ZFP36L2: variants seen among roughly 807,000 people sequenced by gnomAD.
ZFP36L2 encodes the protein mRNA decay activator protein ZFP36L2.
A neutral mutation model predicts 27.9 loss-of-function variants in ZFP36L2; 16 were observed. The ratio of observed to expected loss-of-function variants is 0.57; its 90% CI spans 0.39 to 0.87. The LOEUF is 0.87. Ranked by LOEUF, ZFP36L2 falls within the 40% of genes least tolerant of loss-of-function variation. The pLI is 0.00. For missense variants in ZFP36L2, 989 were observed against 726.9 expected, an observed-to-expected ratio of 1.36 and a Z score of -4.15; for synonymous variants, 600 against 363.8, an observed-to-expected ratio of 1.65 and a Z score of -7.39.
In ZFP36L2 at chr2:43,224,020, T is replaced by G. The variant is rs1667025257; in HGVS notation, c.*299A>C. 6.8e-6 allele frequency: 2 copies of G among 294,452 alleles called. No homozygotes were observed. The highest frequency in any genetic ancestry group is 1.2e-5 in the Non-Finnish European group (2 of 161,974). 18.2% of individuals were successfully genotyped at this position (294,452 alleles called of 1,614,324 possible). A position where few individuals can be genotyped will look rare whatever the true frequency, so the allele number is the denominator to read the frequency against. ...TTTTTTTTTTTTTGTTCTATTCGTA[T>G]CACAACTGCCCTGTTGTGAATATTT... On this transcript the variant is annotated 3_prime_UTR_variant, in exon 2 of 2. Coordinates refer to ENST00000282388, the MANE Select transcript of ZFP36L2 (RefSeq NM_006887.5).
At position 43,224,718 on chromosome 2, in the gene ZFP36L2, G is replaced by T. The variant is rs745849735; in HGVS notation, c.1086C>A (p.Ala362=). 6.5e-7 allele frequency: 1 copy of T among 1,531,148 alleles called. No individual in the cohort carries two copies. Among genetic ancestry groups the T allele is most frequent in the Non-Finnish European group, 8.7e-7 (1 of 1,145,522 alleles). The allele number at this position is 1,531,148 out of a possible 1,614,324, so 94.8% of individuals were successfully genotyped here. ...ACSSASCANN[A]FAFGPELSSL... ...TGCTGAGCTCCGGACCGAAGGCGAA[G>T]GCGTTGTTGGCGCACGAGGCCGACG... Residue 362 remains alanine (A), a synonymous_variant, in exon 2 of 2, where the codon GCC becomes GCA. Transcript: ENST00000282388.
intron 1 of ZFP36L2, 82 bp from the exon 2 acceptor site, chr2:43,225,834 G>C: frequency 1.4e-6 from 2 of 1,397,662 alleles, no homozygotes; most frequent in Non-Finnish European, 1.9e-6. Flanking sequence ...GGAACTCCCA[G>C]CCTGATTCTT....
rs1667031228 is a variant in ZFP36L2, at chr2:43,224,245, G to A, written c.*74C>T. 2 of 1,417,908 alleles carry A rather than the reference G, an allele frequency of 1.4e-6. No individual in the cohort carries two copies. The highest frequency in any genetic ancestry group is 2.6e-4 in the Middle Eastern group (1 of 3,900). 87.8% of individuals were successfully genotyped at this position (1,417,908 alleles called of 1,614,324 possible). A position where few individuals can be genotyped will look rare whatever the true frequency, so the allele number is the denominator to read the frequency against. On this transcript the variant is annotated 3_prime_UTR_variant, in exon 2 of 2. Transcript: ENST00000282388. ...CCCCCCACTCCCGTGCCCCCAGCAA[G>A]GGCGAGATGGCGAGGGGTGTCCTCC...
chr2:43,224,875 G>A lies in ZFP36L2; in HGVS notation c.929C>T (p.Ser310Phe). The change falls in exon 2 of 2, where the codon TCC (serine) becomes TTC (phenylalanine). Residue 310 changes from serine to phenylalanine, a missense_variant. Physicochemically the swap from Ser to Phe is radical, Grantham distance 155. Transcript: ENST00000282388. The part of the protein sequence containing the change: ...SSSASSCSSA[S>F]AASTPSGAPT... ...GGCGCCCGAGGGCGTGGAGGCCGCGGAGGCCGAGGAACAGGAGGAGGCGGA... is the reference window on the plus strand; with the variant it reads ...GGCGCCCGAGGGCGTGGAGGCCGCGAAGGCCGAGGAACAGGAGGAGGCGGA... 2.0e-6 allele frequency: 3 copies of A among 1,506,426 alleles called. No homozygotes were observed. The highest frequency in any genetic ancestry group is 2.6e-6 in the Non-Finnish European group (3 of 1,143,344). The allele number at this position is 1,506,426 out of a possible 1,614,324, so 93.3% of individuals were successfully genotyped here. A position where few individuals can be genotyped will look rare whatever the true frequency, so the allele number is the denominator to read the frequency against.
rs946596766 is a variant in ZFP36L2 at position 43,222,595 on chromosome 2, A to G, written c.*1724T>C. The stretch of plus-strand genomic sequence containing the variant: ...TACATATAGTGCTCCAACTGTACCT[A>G]CGTACAAACTAAAGCTACCGCTCAT... On this transcript the variant is annotated 3_prime_UTR_variant, in exon 2 of 2. Transcript: ENST00000282388. The G allele has an allele frequency of 6.6e-6, 1 of 152,362 alleles. No homozygotes were observed. The highest frequency in any genetic ancestry group is 2.4e-5 in the African/African-American group (1 of 41,452). 9.4% of individuals were successfully genotyped at this position (152,362 alleles called of 1,614,324 possible). A position where few individuals can be genotyped will look rare whatever the true frequency, so the allele number is the denominator to read the frequency against.
rs1236335913 is a variant in ZFP36L2 at position 43,224,585 on chromosome 2, C to A, written c.1219G>T (p.Ala407Ser). 3.7e-6 allele frequency: 5 copies of A among 1,340,176 alleles called. No individual in the cohort carries two copies. The African/African-American group carries it at 7.6e-5, about 20-fold the overall frequency. 83.0% of individuals were successfully genotyped at this position (1,340,176 alleles called of 1,614,324 possible). Residue 407 changes from alanine (A) to serine (S), a missense_variant, in exon 2 of 2, where the codon GCG (alanine) becomes TCG (serine). By Grantham distance (99) the Ala-to-Ser change is moderately conservative. Coordinates refer to ENST00000282388, the MANE Select transcript of ZFP36L2 (RefSeq NM_006887.5). The stretch of plus-strand genomic sequence containing the variant: ...GCGCTGGGCGGCGCCGGCGGCTGCG[C>A]GGGGGGCGCCAGGCCCTGCTGCTGC... ...QQQQQGLAPP[A>S]QPPAPPSATL...
In ZFP36L2 at chr2:43,224,495, G is replaced by C; in HGVS notation, c.1309C>G (p.Leu437Val). 1 of 1,495,574 alleles carries C rather than the reference G, an allele frequency of 6.7e-7. No homozygotes were observed. The allele number at this position is 1,495,574 out of a possible 1,614,324, so 92.6% of individuals were successfully genotyped here. ...GCGTCGAACACGGGCGAGTCGGACAGGCGGCGCGGCAGCTGGAAGCTGAAG... is the reference window on the plus strand; with the variant it reads ...GCGTCGAACACGGGCGAGTCGGACACGCGGCGCGGCAGCTGGAAGCTGAAG... ...PPFSFQLPRR[L>V]SDSPVFDAPP... is the part of the protein sequence containing the mutation. Residue 437 changes from leucine (L) to valine (V), a missense_variant, in exon 2 of 2, where the codon CTG (leucine) becomes GTG (valine). By Grantham distance (32) the Leu-to-Val change is conservative. Coordinates refer to ENST00000282388, the MANE Select transcript of ZFP36L2 (RefSeq NM_006887.5).
Position 43,223,961 on chromosome 2 carries a change from A to G in ZFP36L2, c.*358T>C. On this transcript the variant is annotated 3_prime_UTR_variant, in exon 2 of 2. Coordinates refer to ENST00000282388, the MANE Select transcript of ZFP36L2 (RefSeq NM_006887.5). Reference sequence around the variant, plus strand: ...TGGGTTGATTTTTCCTGAAGTCCCAAACTCATCGGAGTCCTAACAAAGTTT... The same window carrying G: ...TGGGTTGATTTTTCCTGAAGTCCCAGACTCATCGGAGTCCTAACAAAGTTT... 5.5e-6 allele frequency: 1 copy of G among 181,982 alleles called. No individual in the cohort carries two copies. The highest frequency in any genetic ancestry group is 1.1e-5 in the Non-Finnish European group (1 of 88,584). The allele number at this position is 181,982 out of a possible 1,614,324, so 11.3% of individuals were successfully genotyped here. A position where few individuals can be genotyped will look rare whatever the true frequency, so the allele number is the denominator to read the frequency against.
In ZFP36L2 at chr2:43,222,517, G is replaced by A. The variant is rs1666991295; in HGVS notation, c.*1802C>T. The A allele has an allele frequency of 6.6e-6, 1 of 152,298 alleles. No individual in the cohort carries two copies. The highest frequency in any genetic ancestry group is 2.1e-4 in the South Asian group (1 of 4,832). 9.4% of individuals were successfully genotyped at this position (152,298 alleles called of 1,614,324 possible). Reference sequence around the variant, plus strand: ...CCCAAAATATATTACAACTCAAGTTGACTTATCTTGTTACATTCAAAAACC... The same window carrying A: ...CCCAAAATATATTACAACTCAAGTTAACTTATCTTGTTACATTCAAAAACC... On this transcript the variant is annotated 3_prime_UTR_variant, in exon 2 of 2. Transcript: ENST00000282388.
rs1667042832 is a variant in ZFP36L2, at chr2:43,224,643, G to A, written c.1161C>T (p.Ala387=). 1 of 1,502,822 alleles carries A rather than the reference G, an allele frequency of 6.7e-7. No individual in the cohort carries two copies. The highest frequency in any genetic ancestry group is 8.9e-7 in the Non-Finnish European group (1 of 1,129,606). 93.1% of individuals were successfully genotyped at this position (1,502,822 alleles called of 1,614,324 possible). Residue 387 remains alanine, a synonymous_variant, in exon 2 of 2, where the codon GCC becomes GCT. Coordinates refer to ENST00000282388, the MANE Select transcript of ZFP36L2 (RefSeq NM_006887.5). The part of the protein sequence containing the change: ...AIQTHNFAAV[A]AAAYYRSQQQ... ...GCTGACTGCGGTAGTAGGCGGCGGCGGCCACGGCGGCAAAGTTGTGGGTCT... is the reference window on the plus strand; with the variant it reads ...GCTGACTGCGGTAGTAGGCGGCGGCAGCCACGGCGGCAAAGTTGTGGGTCT...
intron 1 of ZFP36L2, among the ~76,000 whole-genome samples, 161 bp downstream of exon 1, chr2:43,226,104 G>T (rs1041514385): frequency 1.3e-5 from 2 of 152,212 alleles, no homozygotes; most frequent in Non-Finnish European, 2.9e-5. Context: ...CCTCCTTGCC[G>T]CCCTCCCCGC....
In ZFP36L2 at chr2:43,226,349, C is replaced by G; in HGVS notation, c.-34G>C. 6.4e-7 allele frequency: 1 copy of G among 1,561,218 alleles called. No homozygotes were observed. Among genetic ancestry groups the G allele is most frequent in the Non-Finnish European group, 8.7e-7 (1 of 1,152,170 alleles). On this transcript the variant is annotated 5_prime_UTR_variant, in exon 1 of 2. Coordinates refer to ENST00000282388, the MANE Select transcript of ZFP36L2 (RefSeq NM_006887.5). ...ATCCCGCAGTGGCCGGAGCGGCAGG[C>G]CGGGAGGTCGGGAGGAGCCCTTGGG...
chr2:43,226,349 CCGGGAGGT>C lies in ZFP36L2; in HGVS notation c.-42_-35del. The C allele has an allele frequency of 6.4e-7, 1 of 1,561,216 alleles. No homozygotes were observed. The highest frequency in any genetic ancestry group is 8.7e-7 in the Non-Finnish European group (1 of 1,152,170). On this transcript the variant is annotated 5_prime_UTR_variant, in exon 1 of 2. Coordinates refer to ENST00000282388, the MANE Select transcript of ZFP36L2 (RefSeq NM_006887.5). ...ATCCCGCAGTGGCCGGAGCGGCAGGCCGGGAGGTCGGGAGGAGCCCTTGGGGCGGCGTG... is the reference window on the plus strand; with the variant it reads ...ATCCCGCAGTGGCCGGAGCGGCAGGCCGGGAGGAGCCCTTGGGGCGGCGTG...
rs758395053 is a variant in ZFP36L2, at chr2:43,224,916, G to C, written c.888C>G (p.Ala296=). Residue 296 remains alanine (A), a synonymous_variant, in exon 2 of 2, where the codon GCC becomes GCG. Transcript: ENST00000282388. The part of the protein sequence containing the change: ...RTPPPPSCSS[A]SSCSSSASSC... ...AGGAGGCGGAGGAGGAGCAGGACGA[G>C]GCCGAAGAGCAGGAGGGCGGCGGCG... The C allele has an allele frequency of 1.2e-5, 19 of 1,551,660 alleles. No homozygotes were observed. The highest frequency in any genetic ancestry group is 1.6e-5 in the Non-Finnish European group (19 of 1,164,358).
chr2:43,226,178 G>A (rs1667098986), intron 1 of ZFP36L2, 87 bp downstream of exon 1: 2 of 1,516,082 alleles, frequency 1.3e-6, no homozygotes, highest in Non-Finnish European at 9.0e-7. Context: ...AGGCAGGGCG[G>A]GAGGGGCGTC....
Position 43,225,249 on chromosome 2 carries a change from G to A in ZFP36L2, c.555C>T (p.Ser185=), listed in dbSNP as rs776883032. 5.6e-6 allele frequency: 9 copies of A among 1,609,742 alleles called. No individual in the cohort carries two copies. Among genetic ancestry groups the A allele is most frequent in the Non-Finnish European group, 6.8e-6 (8 of 1,179,950 alleles). The part of the protein sequence containing the change: ...QFAHGFHELR[S]LTRHPKYKTE... ...TCTTGTACTTCGGATGGCGAGTCAG[G>A]CTGCGCAGCTCGTGGAAGCCATGCG... Residue 185 remains serine, a synonymous_variant, in exon 2 of 2, where the codon AGC becomes AGT. Coordinates refer to ENST00000282388, the MANE Select transcript of ZFP36L2 (RefSeq NM_006887.5).
Position 43,225,509 on chromosome 2 carries a change from C to T in ZFP36L2, c.295G>A (p.Gly99Ser), listed in dbSNP as rs758642252. The T allele has an allele frequency of 5.6e-6, 9 of 1,602,368 alleles. No homozygotes were observed. Among genetic ancestry groups the T allele is most frequent in the Admixed American group, 3.4e-5 (2 of 59,114 alleles). The change falls in exon 2 of 2, where the codon GGC becomes AGC. Residue 99 changes from glycine (G) to serine (S), a missense_variant. Gly to Ser is a moderately conservative substitution (Grantham distance 56). Coordinates refer to ENST00000282388, the MANE Select transcript of ZFP36L2 (RefSeq NM_006887.5). ...CCCCCCGACGGCTCCTTAAGGGTGC[C>T]GTAGGAGGTCGGACCGCCGGCCGCC... ...SAAAGGPTSY[G>S]TLKEPSGGGG... is the part of the protein sequence containing the mutation.
rs1023070242 is a variant in ZFP36L2, at chr2:43,222,957, G to T, written c.*1362C>A. ...TATTGCTACATGTCTTTATACTCGA[G>T]TATGTCACAGTAGAACTGGTGGAAT... On this transcript the variant is annotated 3_prime_UTR_variant, in exon 2 of 2. Coordinates refer to ENST00000282388, the MANE Select transcript of ZFP36L2 (RefSeq NM_006887.5). 3 of 152,196 alleles carry T rather than the reference G, an allele frequency of 2.0e-5. No homozygotes were observed. Among genetic ancestry groups the T allele is most frequent in the Non-Finnish European group, 4.4e-5 (3 of 68,018 alleles). The allele number at this position is 152,196 out of a possible 1,614,324, so 9.4% of individuals were successfully genotyped here.
chr2:43,224,713 G>A lies in ZFP36L2; in HGVS notation c.1091C>T (p.Ala364Val), dbSNP rs1422734354. Residue 364 changes from alanine to valine, a missense_variant, in exon 2 of 2, where the codon GCC becomes GTC. Transcript: ENST00000282388. The part of the protein sequence containing the change: ...SSASCANNAF[A>V]FGPELSSLIT... The stretch of plus-strand genomic sequence containing the variant: ...GAGGCTGCTGAGCTCCGGACCGAAG[G>A]CGAAGGCGTTGTTGGCGCACGAGGC... The A allele has an allele frequency of 1.3e-6, 2 of 1,533,656 alleles. No homozygotes were observed. Among genetic ancestry groups the A allele is most frequent in the South Asian group, 1.2e-5 (1 of 84,564 alleles).
Sources: gnomAD v4.1 joint callset for allele counts (sites outside exome capture counted in the v4.1 genomes callset) on GRCh38, gnomAD v4.1.1 for gene constraint, MANE v1.5 for transcripts, NCBI Gene and HGNC (gene_info 2026-07-23, HGNC 2026-07-21) for gene names.